SEMA3F: variants seen among roughly 807,000 people sequenced by gnomAD.
SEMA3F encodes semaphorin-3F.
A neutral mutation model predicts 98.5 loss-of-function variants in SEMA3F; 30 were observed. That is an observed-to-expected ratio of 0.30 (90% CI 0.23 to 0.41). The LOEUF (loss-of-function observed/expected upper bound fraction) is 0.41. Among genes scored for constraint, SEMA3F ranks in the 10% least tolerant of loss-of-function variants. The pLI is 1.00. For synonymous variants in SEMA3F, 380 were observed against 444.8 expected (o/e 0.85, Z 1.83); for missense variants, 866 against 1,119.3 (o/e 0.77, Z 3.23).
At chr3:50,161,033 C>G (rs967181607) in intron 2 of SEMA3F, among the ~76,000 whole-genome samples, 1 of 152,202 alleles carries the variant, frequency 6.6e-6, no homozygotes, top group African/African-American at 2.4e-5. Context: ...ATACCTCCAC[C>G]CTTCCCTGGT....
rs192819693 is a variant in SEMA3F, at chr3:50,167,645, G to C, written c.113-6148G>C. Among the ~76,000 whole-genome samples the C allele has an allele frequency of 3.3e-5, 5 of 151,014 alleles. No homozygotes were observed. The East Asian group carries it at 9.8e-4, about 30-fold the overall frequency. The stretch of plus-strand genomic sequence containing the variant: ...CCAGCTGGGCTCTTTACCCCTGTAC[G>C]GTGTTTACTGAACAGCTGGGATGTT... On this transcript the variant is annotated intron_variant, in intron 2 of 18. Transcript: ENST00000002829.
At chr3:50,185,797 G>A (rs1699190631) in intron 15 of SEMA3F, 90 bp downstream of exon 15, 1 of 1,609,538 alleles carries the variant, frequency 6.2e-7, no homozygotes, top group African/African-American at 1.3e-5. Context: ...GTAAACTGAG[G>A]CATGGAACAG....
intron 2 of SEMA3F, among the ~76,000 whole-genome samples, chr3:50,173,581 G>T (rs1375652920): frequency 6.6e-6 from 1 of 152,244 alleles, no homozygotes; most frequent in Non-Finnish European, 1.5e-5. Flanking sequence ...GATGGAGGTT[G>T]CAGTGAGCCG....
chr3:50,184,689 C>G lies in SEMA3F; in HGVS notation c.1331C>G (p.Ala444Gly). 1 of 1,614,132 alleles carries G rather than the reference C, an allele frequency of 6.2e-7. No homozygotes were observed. The highest frequency in any genetic ancestry group is 1.1e-5 in the South Asian group (1 of 91,088). The change falls in exon 13 of 19, where the codon GCC (alanine) becomes GGC (glycine). Residue 444 changes from alanine to glycine, a missense_variant. Physicochemically the swap from Ala to Gly is moderately conservative, Grantham distance 60 (BLOSUM62 0). Around this residue, in one of 3 missense-constraint regions of SEMA3F, gnomAD observed 374 missense variants for 582.8 expected, o/e 0.64. Transcript: ENST00000002829. ...CGCAGCCACCCACTCATGTACCAGG[C>G]CGTGTACCCTCTGCAGCGGCGGCCC... ...FMRSHPLMYQ[A>G]VYPLQRRPLV...
intron 2 of SEMA3F, among the ~76,000 whole-genome samples, chr3:50,164,336 G>T (rs1285001235): frequency 6.6e-6 from 1 of 152,184 alleles, no homozygotes; most frequent in African/African-American, 2.4e-5. Context: ...CTTCGTAATC[G>T]TAAAGAATTT....
chr3:50,185,448 G>A lies in SEMA3F; in HGVS notation c.1462G>A (p.Gly488Arg), dbSNP rs749098669. ...YEVLFLGTDR[G>R]TVQKVIVLPK... ...CCCTGCCCGGCCCGTTCCAGACCGCGGGACAGTGCAGAAGGTCATTGTGCT... is the reference window on the plus strand; with the variant it reads ...CCCTGCCCGGCCCGTTCCAGACCGCAGGACAGTGCAGAAGGTCATTGTGCT... The change falls in exon 14 of 19, where the codon GGG becomes AGG. Residue 488 changes from glycine to arginine, a missense_variant. This residue lies in a region of SEMA3F where 374 missense variants were observed against 582.8 expected (regional missense o/e 0.64). Coordinates refer to ENST00000002829, the MANE Select transcript of SEMA3F (RefSeq NM_004186.5). The A allele has an allele frequency of 2.5e-6, 4 of 1,612,698 alleles. No individual in the cohort carries two copies. In the Admixed American group the frequency reaches 5.0e-5, roughly 20 times the overall value.
Position 50,182,852 on chromosome 3 carries a change from A to G in SEMA3F, c.904-52A>G. 6.2e-7 allele frequency: 1 copy of G among 1,611,346 alleles called. No homozygotes were observed. The highest frequency in any genetic ancestry group is 8.5e-7 in the Non-Finnish European group (1 of 1,178,414). ...TGGCTTCATCAGCCCTGCTCCAGCC[A>G]GGGCTTGGGGTCAAGAGCTGATCTG... On this transcript the variant is annotated intron_variant, in intron 9 of 18. Transcript: ENST00000002829. The surrounding 1 kb of genome is among the most constrained non-coding windows in gnomAD (Gnocchi z 4.5).
intron 6 of SEMA3F, 45 bp from the exon 7 acceptor site, chr3:50,176,723 T>TG: frequency 7.0e-7 from 1 of 1,423,738 alleles, no homozygotes; most frequent in East Asian, 2.3e-5. Context: ...ACTTCCTGGC[T>TG]GGGGGACTGG....
At chr3:50,160,882 C>G (rs1479139311) in intron 2 of SEMA3F, among the ~76,000 whole-genome samples, 2 of 152,148 alleles carry the variant, frequency 1.3e-5, no homozygotes, top group East Asian at 3.9e-4. Flanking sequence ...CCCAGTCACC[C>G]GGCTCCTGGA....
At chr3:50,171,356 C>T (rs1415714897) in intron 2 of SEMA3F, among the ~76,000 whole-genome samples, 2 of 152,100 alleles carry the variant, frequency 1.3e-5, no homozygotes, top group African/African-American at 4.8e-5. Flanking sequence ...AGTCTTGGTG[C>T]AGGGTTGATA....
chr3:50,186,300 G>A lies in SEMA3F; in HGVS notation c.1765G>A (p.Val589Ile), dbSNP rs752403483. 6.5e-5 allele frequency: 105 copies of A among 1,613,690 alleles called. No homozygotes were observed. The South Asian group carries it at 9.1e-4, about 14-fold the overall frequency. The change falls in exon 17 of 19, where the codon GTC becomes ATC. Residue 589 changes from valine to isoleucine, a missense_variant. Physicochemically the swap from Val to Ile is conservative, Grantham distance 29. Around this residue, in one of 3 missense-constraint regions of SEMA3F, gnomAD observed 374 missense variants for 582.8 expected, o/e 0.64. Transcript: ENST00000002829. ...ATCCAGGCGGAGCCGCCGGCAGGAC[G>A]TCCGGCACGGAAACCCCATCAGGCA... ...SSKRRSRRQD[V>I]RHGNPIRQCR...
chr3:50,174,578 C>T lies in SEMA3F; in HGVS notation c.456+228C>T, dbSNP rs144199946. ...GGAGGAGGCAGTGAGCTAAAGCTCC[C>T]AAAGCTCCTAGCACTGTGCCTGGCA... On this transcript the variant is annotated intron_variant, in intron 5 of 18. Coordinates refer to ENST00000002829, the MANE Select transcript of SEMA3F (RefSeq NM_004186.5). Among the ~76,000 whole-genome samples, 34 of 152,378 alleles carry T rather than the reference C, an allele frequency of 2.2e-4. No individual in the cohort carries two copies. In the East Asian group the frequency reaches 6.4e-3, roughly 28 times the overall value.
At position 50,156,593 on chromosome 3, in the gene SEMA3F, C is replaced by A. The variant is rs1385679180; in HGVS notation, c.-49+1029C>A. On this transcript the variant is annotated intron_variant, in intron 1 of 18. Transcript: ENST00000002829. This position sits in a 1 kb window ranked among gnomAD's most constrained non-coding sequence, Gnocchi z 4.5. ...AAACTGCACCCAGGGGTTGGGAGCC[C>A]CATCTCAGCCCAGGGAGTTGGATGG... Among the ~76,000 whole-genome samples, 1 of 152,202 alleles carries A rather than the reference C, an allele frequency of 6.6e-6. No individual in the cohort carries two copies. Among genetic ancestry groups the A allele is most frequent in the Non-Finnish European group, 1.5e-5 (1 of 68,030 alleles).
chr3:50,170,859 C>T (rs1263876914), intron 2 of SEMA3F, among the ~76,000 whole-genome samples: 1 of 152,064 alleles, frequency 6.6e-6, no homozygotes, highest in Non-Finnish European at 1.5e-5. Flanking sequence ...GAGCCATTGA[C>T]GCCATATCCC....
At chr3:50,176,722 C>T in intron 6 of SEMA3F, 46 bp from the exon 7 acceptor site, 2 of 1,417,210 alleles carry the variant, frequency 1.4e-6, no homozygotes, top group Non-Finnish European at 2.0e-6. Context: ...CACTTCCTGG[C>T]TGGGGGACTG....
rs2052734967 is a variant in SEMA3F, at chr3:50,162,668, C to T, written c.112+2934C>T. Among the ~76,000 whole-genome samples the T allele has an allele frequency of 1.3e-5, 2 of 152,228 alleles. 1 individual carries two copies. Among genetic ancestry groups the T allele is most frequent in the South Asian group, 4.1e-4 (2 of 4,836 alleles). ...TGGCAGCAGCAGGGAGGTGTGAGGG[C>T]CCTGCCAGGCCCTTTGTTCAGCCTG... On this transcript the variant is annotated intron_variant, in intron 2 of 18. Coordinates refer to ENST00000002829, the MANE Select transcript of SEMA3F (RefSeq NM_004186.5).
chr3:50,185,416 ACT>A, intron 13 of SEMA3F, 25 bp from the exon 14 acceptor site: 1 of 1,533,110 alleles, frequency 6.5e-7, no homozygotes, highest in Non-Finnish European at 8.9e-7. Context: ...CCCCAGCCCC[ACT>A]GAGGCCCTGC....
chr3:50,180,141 GT>G (rs1240911034), intron 7 of SEMA3F, among the ~76,000 whole-genome samples: 1 of 151,110 alleles, frequency 6.6e-6, no homozygotes, highest in African/African-American at 2.4e-5. Flanking sequence ...TAGCTTTTTT[GT>G]TTTTTTTTAT....
At chr3:50,163,390 A>G (rs1698285588) in intron 2 of SEMA3F, among the ~76,000 whole-genome samples, 1 of 152,202 alleles carries the variant, frequency 6.6e-6, no homozygotes. Flanking sequence ...AGGGCCTAAG[A>G]GAGGAAAGGG....
Sources: allele counts gnomAD v4.1 joint callset (sites outside exome capture counted in the v4.1 genomes callset), GRCh38; gene constraint gnomAD v4.1.1; regional missense constraint gnomAD v4.1.1; non-coding constraint Gnocchi (gnomAD v3.1); transcripts MANE v1.5; gene names NCBI Gene and HGNC (gene_info 2026-07-23, HGNC 2026-07-21).